The following SNX27 variants were observed in gnomAD, a reference collection of about 807,000 sequenced individuals.
SNX27 encodes the protein sorting nexin 27.
Under a neutral mutation model 71.6 loss-of-function variants are expected in SNX27, and 22 were observed. The observed-to-expected ratio is 0.31, with a 90% CI of 0.22 to 0.44. SNX27 has a LOEUF of 0.44. Ranked by LOEUF, SNX27 falls within the 20% of genes least tolerant of loss-of-function variation. SNX27 has a pLI of 1.00. For missense variants in SNX27, 531 were observed against 698.6 expected, an observed-to-expected ratio of 0.76 and a Z score of 2.70; for synonymous variants, 269 against 277.2, an observed-to-expected ratio of 0.97 and a Z score of 0.29.
At chr1:151,650,223 T>C (rs1196225577) in intron 2 of SNX27, among the ~76,000 whole-genome samples, 1 of 152,148 alleles carries the variant, frequency 6.6e-6, no homozygotes, top group Non-Finnish European at 1.5e-5. Context: ...AGATGGGGTC[T>C]TGCTATGTTC....
At chr1:151,623,155 T>A (rs141576225) in intron 1 of SNX27, among the ~76,000 whole-genome samples, 5,254 of 151,126 alleles carry the variant, frequency 0.035, 199 homozygotes, top group African/African-American at 0.094. Flanking sequence ...ATATATATTT[T>A]TTTTTTGAGA....
chr1:151,623,555 C>T (rs1417999332), intron 1 of SNX27, among the ~76,000 whole-genome samples: 2 of 152,156 alleles, frequency 1.3e-5, no homozygotes, highest in Non-Finnish European at 2.9e-5. Context: ...AGCCACCACT[C>T]CTAACCTAAT....
intron 1 of SNX27, among the ~76,000 whole-genome samples, chr1:151,626,697 G>A (rs997775572): frequency 7.7e-5 from 11 of 142,238 alleles, no homozygotes; most frequent in African/African-American, 1.6e-4. Context: ...GCAAGACTCC[G>A]TCTAAATAAA....
At chr1:151,673,792 C>T (rs764648698) in intron 7 of SNX27, among the ~76,000 whole-genome samples, 1 of 151,986 alleles carries the variant, frequency 6.6e-6, no homozygotes, top group Non-Finnish European at 1.5e-5. Context: ...ATATAGTGAC[C>T]TTCTTTGTCT....
At chr1:151,668,670 CTTTTTA>C in intron 7 of SNX27, 35 bp downstream of exon 7, 3 of 1,593,810 alleles carry the variant, frequency 1.9e-6, no homozygotes, top group Non-Finnish European at 2.6e-6. Flanking sequence ...GGCACAATTT[CTTTTTA>C]TGTTTGAATA....
chr1:151,674,145 A>G (rs1415947955), intron 7 of SNX27, among the ~76,000 whole-genome samples: 2 of 151,652 alleles, frequency 1.3e-5, no homozygotes, highest in African/African-American at 4.8e-5. Context: ...TCTTCCTTTT[A>G]GTGACGGTGA....
rs764495099 is a variant in SNX27 at position 151,697,221 on chromosome 1, A to G, written c.*2804A>G. ...AGACATGTTGATTTCCCACTCCTAG[A>G]TGCTAAAGAGACTTGGCACCAGCTT... On this transcript the variant is annotated 3_prime_UTR_variant, in exon 12 of 12. Coordinates refer to ENST00000458013, the MANE Select transcript of SNX27 (RefSeq NM_001330723.2). 1.3e-5 allele frequency: 2 copies of G among 151,022 alleles called. No individual in the cohort carries two copies. Among genetic ancestry groups the G allele is most frequent in the Non-Finnish European group, 2.9e-5 (2 of 68,036 alleles). 9.4% of individuals were successfully genotyped at this position (151,022 alleles called of 1,614,324 possible). A position where few individuals can be genotyped will look rare whatever the true frequency, so the allele number is the denominator to read the frequency against.
rs1224248471 is a variant in SNX27, at chr1:151,668,526, C to T, written c.1040C>T (p.Thr347Ile). ...CACAAACTCTACATTCAGAATTATA[C>T]ATCAGCTGTGCCAGGCACCTGCTTG... Reference protein sequence around the residue: ...FPHKLYIQNYTSAVPGTCLTI... With the variant: ...FPHKLYIQNYISAVPGTCLTI... Residue 347 changes from threonine to isoleucine, a missense_variant, in exon 7 of 12, where the codon ACA becomes ATA. Thr to Ile is a moderately conservative substitution (Grantham distance 89). This residue lies in a region of SNX27 where 184 missense variants were observed against 289.6 expected (regional missense o/e 0.64). Coordinates refer to ENST00000458013, the MANE Select transcript of SNX27 (RefSeq NM_001330723.2). 6.2e-7 allele frequency: 1 copy of T among 1,613,994 alleles called. No homozygotes were observed. The highest frequency in any genetic ancestry group is 8.5e-7 in the Non-Finnish European group (1 of 1,179,928).
At chr1:151,662,105 G>A (rs564118199) in intron 4 of SNX27, 61 bp from the exon 5 acceptor site, 1 of 1,181,948 alleles carries the variant, frequency 8.5e-7, no homozygotes, top group African/African-American at 1.5e-5. Flanking sequence ...TAGCTAGCTT[G>A]TTACAGGGAG....
intron 1 of SNX27, among the ~76,000 whole-genome samples, chr1:151,623,263 C>T (rs1400095254): frequency 1.3e-5 from 2 of 152,184 alleles, no homozygotes; most frequent in Non-Finnish European, 2.9e-5. Flanking sequence ...GACTCAGCCT[C>T]CCGAGTAGCT....
intron 8 of SNX27, among the ~76,000 whole-genome samples, chr1:151,686,543 C>T (rs1170409879): frequency 6.6e-6 from 1 of 152,224 alleles, no homozygotes; most frequent in Non-Finnish European, 1.5e-5. Context: ...CAACATATTT[C>T]TGTGTACTAG....
intron 1 of SNX27, among the ~76,000 whole-genome samples, chr1:151,627,533 A>C (rs1414215293): frequency 6.6e-6 from 1 of 152,128 alleles, no homozygotes; most frequent in Non-Finnish European, 1.5e-5. Context: ...CTTCCAACCT[A>C]CTAACTGATT....
intron 1 of SNX27, among the ~76,000 whole-genome samples, chr1:151,621,701 A>G (rs992208248): frequency 5.9e-5 from 9 of 152,224 alleles, no homozygotes; most frequent in Non-Finnish European, 1.2e-4. Context: ...CAAATACCAC[A>G]GTACTTTTAT....
chr1:151,637,809 C>T (rs1342581850), intron 1 of SNX27, among the ~76,000 whole-genome samples: 1 of 152,194 alleles, frequency 6.6e-6, no homozygotes, highest in Non-Finnish European at 1.5e-5. Context: ...AATTTAGTAT[C>T]ATTTTTCAGG....
At chr1:151,678,504 C>T (rs887559569) in intron 7 of SNX27, 1 of 152,006 alleles carries the variant, frequency 6.6e-6, no homozygotes, top group African/African-American at 2.4e-5. Flanking sequence ...TCCATTGATC[C>T]ATGGACAGTT....
intron 1 of SNX27, among the ~76,000 whole-genome samples, chr1:151,615,454 G>T (rs1667384591): frequency 1.3e-5 from 2 of 152,042 alleles, no homozygotes; most frequent in African/African-American, 4.8e-5. Flanking sequence ...GGTTCTTGAG[G>T]GATATCTGTG....
chr1:151,660,653 A>G (rs1669922735), intron 3 of SNX27, 145 bp from the exon 4 acceptor site: 1 of 629,138 alleles, frequency 1.6e-6, no homozygotes, highest in Non-Finnish European at 2.9e-6. Context: ...CTTATATACC[A>G]GACATGGTTT....
chr1:151,698,572 T>G lies in SNX27; in HGVS notation c.*4155T>G, dbSNP rs1278587958. ...AGAAGAGAGATAGTGGGTATGCTTC[T>G]CTAGCTCCCCATCTTCCAGGTCCAC... On this transcript the variant is annotated 3_prime_UTR_variant, in exon 12 of 12. Coordinates refer to ENST00000458013, the MANE Select transcript of SNX27 (RefSeq NM_001330723.2). The G allele has an allele frequency of 6.6e-6, 1 of 152,292 alleles. No individual in the cohort carries two copies. The highest frequency in any genetic ancestry group is 1.5e-5 in the Non-Finnish European group (1 of 68,092). 9.4% of individuals were successfully genotyped at this position (152,292 alleles called of 1,614,324 possible).
chr1:151,670,633 C>CT (rs893329003), intron 7 of SNX27, among the ~76,000 whole-genome samples: 7 of 151,182 alleles, frequency 4.6e-5, no homozygotes, highest in South Asian at 2.1e-4. Context: ...ATGTGCATTT[C>CT]TTTTTTTTTC....
Sources: allele counts gnomAD v4.1 joint callset (sites outside exome capture counted in the v4.1 genomes callset), GRCh38; gene constraint gnomAD v4.1.1; regional missense constraint gnomAD v4.1.1; transcripts MANE v1.5; gene names NCBI Gene and HGNC (gene_info 2026-07-23, HGNC 2026-07-21).